Variants in GOLM2 observed in about 807,000 individuals in gnomAD.
The protein encoded by GOLM2 is protein GOLM2.
GOLM2 carries 26 observed loss-of-function variants against 55.9 expected under a neutral mutation model. The ratio of observed to expected loss-of-function variants is 0.47; its 90% CI spans 0.34 to 0.65. The LOEUF (loss-of-function observed/expected upper bound fraction) is 0.65. Among genes scored for constraint, GOLM2 ranks in the 30% least tolerant of loss-of-function variants. The probability of loss-of-function intolerance (pLI) is 0.01; values close to 1 mark genes in which losing one functional copy is unlikely to be tolerated. For missense variants in GOLM2, 486 were observed against 531.8 expected (o/e 0.91, Z 0.85); for synonymous variants, 165 against 194.6 (o/e 0.85, Z 1.27).
At chr15:44,310,952 G>A (rs144821518) in intron 1 of GOLM2, among the ~76,000 whole-genome samples, 1,637 of 152,232 alleles carry the variant, frequency 0.011, 34 homozygotes, top group African/African-American at 0.038. Context: ...GGGAGGCGGA[G>A]GTTGCAGTGA....
rs548851481 is a variant in GOLM2, at chr15:44,357,351, A to G, written c.802+19034A>G. ...CAGAAAAAGCATTTGGCAAAATCCAAAACTCATTCATGATAAAAACACAGT... is the reference window on the plus strand; with the variant it reads ...CAGAAAAAGCATTTGGCAAAATCCAGAACTCATTCATGATAAAAACACAGT... On this transcript the variant is annotated intron_variant, in intron 6 of 9. Coordinates refer to ENST00000299957, the MANE Select transcript of GOLM2 (RefSeq NM_138423.4). Among the ~76,000 whole-genome samples, 3 of 152,346 alleles carry G rather than the reference A, an allele frequency of 2.0e-5. No homozygotes were observed. The South Asian group carries it at 6.2e-4, about 32-fold the overall frequency.
chr15:44,313,078 CAA>C (rs768126877), intron 1 of GOLM2, among the ~76,000 whole-genome samples: 2 of 135,520 alleles, frequency 1.5e-5, no homozygotes, highest in Admixed American at 7.5e-5. Flanking sequence ...GACTCCATCT[CAA>C]AAAAAAAAAA....
At chr15:44,350,521 A>G (rs2079154398) in intron 6 of GOLM2, among the ~76,000 whole-genome samples, 1 of 152,208 alleles carries the variant, frequency 6.6e-6, no homozygotes, top group Non-Finnish European at 1.5e-5. Flanking sequence ...CAATGGCTTC[A>G]CTGTTGAACT....
chr15:44,331,806 T>C, intron 3 of GOLM2, among the ~76,000 whole-genome samples, 182 bp from the exon 4 acceptor site: 1 of 152,226 alleles, frequency 6.6e-6, no homozygotes, highest in East Asian at 1.9e-4. Flanking sequence ...ATCTACCTCC[T>C]ATTACAAGTT....
intron 1 of GOLM2, among the ~76,000 whole-genome samples, chr15:44,294,292 C>A (rs1305751028): frequency 6.6e-6 from 1 of 152,186 alleles, no homozygotes; most frequent in Non-Finnish European, 1.5e-5. Flanking sequence ...AAACCAAGGT[C>A]TGCAGCTGGG....
intron 6 of GOLM2, among the ~76,000 whole-genome samples, chr15:44,360,540 C>A: frequency 6.6e-6 from 1 of 152,158 alleles, no homozygotes; most frequent in Non-Finnish European, 1.5e-5. Context: ...CAGGAGCACC[C>A]AGATTCATAA....
At chr15:44,391,071 C>T (rs1466231809) in intron 8 of GOLM2, among the ~76,000 whole-genome samples, 1 of 152,142 alleles carries the variant, frequency 6.6e-6, no homozygotes, top group Admixed American at 6.6e-5. Flanking sequence ...AACCAATAAT[C>T]ATTAAATAAG....
intron 9 of GOLM2, among the ~76,000 whole-genome samples, chr15:44,403,412 T>C (rs2079578978): frequency 6.6e-6 from 1 of 152,186 alleles, no homozygotes; most frequent in Non-Finnish European, 1.5e-5. Flanking sequence ...TCTGCTCACC[T>C]CAGGCTCCCA....
At chr15:44,375,319 G>A (rs1051882650) in intron 6 of GOLM2, among the ~76,000 whole-genome samples, 2 of 151,992 alleles carry the variant, frequency 1.3e-5, no homozygotes, top group African/African-American at 2.4e-5. Context: ...CCACCTGACC[G>A]AGAGTTGCTT....
intron 6 of GOLM2, among the ~76,000 whole-genome samples, chr15:44,347,378 T>C (rs1238672753): frequency 6.6e-6 from 1 of 152,176 alleles, no homozygotes; most frequent in Non-Finnish European, 1.5e-5. Context: ...TGCAGTGGCC[T>C]TGTGGCATGG....
chr15:44,403,178 T>C (rs1170370016), intron 9 of GOLM2, 124 bp downstream of exon 9: 2 of 1,153,304 alleles, frequency 1.7e-6, no homozygotes, highest in East Asian at 5.2e-5. Context: ...TGTTTTTTCT[T>C]TGTGACGGAA....
In GOLM2 at chr15:44,321,308, C is replaced by T. The variant is rs529731473; in HGVS notation, c.328-1657C>T. Among the ~76,000 whole-genome samples, 79 of 151,876 alleles carry T rather than the reference C, an allele frequency of 5.2e-4. 1 individual carries two copies. In the South Asian group the frequency reaches 0.014, roughly 27 times the overall value. On this transcript the variant is annotated intron_variant, in intron 1 of 9. Coordinates refer to ENST00000299957, the MANE Select transcript of GOLM2 (RefSeq NM_138423.4). ...ACAACATAGCAAGACCTCATCTCTA[C>T]TAAAAATAAAAAAATTAACCTGGCA...
At chr15:44,361,766 T>C (rs997843679) in intron 6 of GOLM2, among the ~76,000 whole-genome samples, 2 of 152,234 alleles carry the variant, frequency 1.3e-5, no homozygotes, top group African/African-American at 4.8e-5. Context: ...TAGACCAATA[T>C]CCTTGCTGAA....
intron 9 of GOLM2, chr15:44,409,592 C>CAAAAAAAAAA (rs60091801): frequency 1.2e-4 from 2 of 17,008 alleles, no homozygotes; most frequent in Non-Finnish European, 1.2e-4. Flanking sequence ...CCCTCTCTCT[C>CAAAAAAAAAA]AAAAAAAAAA....
intron 2 of GOLM2, among the ~76,000 whole-genome samples, chr15:44,326,226 C>A (rs2078979689): frequency 6.8e-6 from 1 of 146,938 alleles, no homozygotes; most frequent in Admixed American, 6.9e-5. Context: ...CGCACCACTG[C>A]ACTCCATCCT....
At chr15:44,293,910 AAGG>A (rs1484911597) in intron 1 of GOLM2, among the ~76,000 whole-genome samples, 2 of 152,190 alleles carry the variant, frequency 1.3e-5, no homozygotes, top group Non-Finnish European at 2.9e-5. Context: ...TTCTTCTGCA[AAGG>A]AGATTTGTCT....
chr15:44,326,294 A>C (rs2078980392), intron 2 of GOLM2, among the ~76,000 whole-genome samples: 1 of 151,704 alleles, frequency 6.6e-6, no homozygotes, highest in Non-Finnish European at 1.5e-5. Flanking sequence ...AGAAATTTAA[A>C]ATGTGGCTTG....
At chr15:44,304,464 A>G (rs2041634023) in intron 1 of GOLM2, among the ~76,000 whole-genome samples, 1 of 149,800 alleles carries the variant, frequency 6.7e-6, no homozygotes, top group Admixed American at 6.7e-5. Flanking sequence ...CTGGTCTCAA[A>G]CTCCTGACCT....
intron 1 of GOLM2, among the ~76,000 whole-genome samples, chr15:44,311,709 G>T (rs2078876338): frequency 6.6e-6 from 1 of 152,078 alleles, no homozygotes; most frequent in Non-Finnish European, 1.5e-5. Context: ...GAGTGCAATG[G>T]CACGATCTTG....
Sources: allele counts gnomAD v4.1 joint callset (sites outside exome capture counted in the v4.1 genomes callset), GRCh38; gene constraint gnomAD v4.1.1; transcripts MANE v1.5; gene names NCBI Gene and HGNC (gene_info 2026-07-23, HGNC 2026-07-21).